The following NECTIN2 variants were observed in gnomAD, a reference collection of about 807,000 sequenced individuals.
NECTIN2 encodes nectin cell adhesion molecule 2, also known as nectin-2.
NECTIN2 carries 23 observed loss-of-function variants against 56.9 expected under a neutral mutation model. The ratio of observed to expected loss-of-function variants is 0.40; its 90% CI spans 0.29 to 0.57. The LOEUF is 0.57. NECTIN2 is among the 20% of genes least tolerant of loss of function. NECTIN2 has a pLI of 0.38. For missense variants in NECTIN2, 587 were observed against 718.3 expected (o/e 0.82, Z 2.09); for synonymous variants, 302 against 313.8 (o/e 0.96, Z 0.40).
intron 1 of NECTIN2, among the ~76,000 whole-genome samples, chr19:44,864,700 C>T (rs1425296006): frequency 2.0e-5 from 3 of 152,020 alleles, no homozygotes; most frequent in African/African-American, 4.8e-5. Context: ...TGGTGGCAGG[C>T]GCCTGTAGTC....
At chr19:44,880,475 CTTTTTTTTTT>C (rs4013742) in intron 5 of NECTIN2, among the ~76,000 whole-genome samples, 25 of 68,870 alleles carry the variant, frequency 3.6e-4, no homozygotes, top group African/African-American at 1.6e-3. Flanking sequence ...CCTGTCTTGC[CTTTTTTTTTT>C]TTTTTTTTTT....
At chr19:44,872,889 AT>A (rs1394990179) in intron 3 of NECTIN2, among the ~76,000 whole-genome samples, 3 of 147,602 alleles carry the variant, frequency 2.0e-5, no homozygotes, top group Non-Finnish European at 4.5e-5. Flanking sequence ...GTCATTATTT[AT>A]TATTGTTATT....
chr19:44,865,650 C>A lies in NECTIN2; in HGVS notation c.468C>A (p.Leu156=). The A allele has an allele frequency of 2.6e-6, 4 of 1,529,398 alleles. No individual in the cohort carries two copies. Among genetic ancestry groups the A allele is most frequent in the Non-Finnish European group, 2.6e-6 (3 of 1,141,772 alleles). 94.7% of individuals were successfully genotyped at this position (1,529,398 alleles called of 1,614,324 possible). A position where few individuals can be genotyped will look rare whatever the true frequency, so the allele number is the denominator to read the frequency against. ...GGTCCGTCCGAGGGATGACCTGGCT[C>A]AGAGTCATAGGTGAGCAGGGTAAGG... The part of the protein sequence containing the change: ...PKGSVRGMTW[L]RVIAKPKNQA... The change falls in exon 2 of 9, where the codon CTC becomes CTA. Residue 156 remains leucine, a synonymous_variant. Coordinates refer to ENST00000252483, the MANE Select transcript of NECTIN2 (RefSeq NM_001042724.2). This position sits in a 1 kb window ranked among gnomAD's most constrained non-coding sequence, Gnocchi z 5.2.
intron 1 of NECTIN2, among the ~76,000 whole-genome samples, chr19:44,847,077 ATT>A (rs1555785316): frequency 6.6e-6 from 1 of 151,534 alleles, no homozygotes; most frequent in Non-Finnish European, 1.5e-5. Context: ...TCCCTCCCCT[ATT>A]TTTCCTTCTT....
At chr19:44,871,783 C>A in intron 2 of NECTIN2, 70 bp from the exon 3 acceptor site, 1 of 1,520,970 alleles carries the variant, frequency 6.6e-7, no homozygotes, top group East Asian at 2.3e-5. Context: ...AACCACCCTG[C>A]TCCTCTGCTG....
At chr19:44,861,815 A>G (rs555608) in intron 1 of NECTIN2, among the ~76,000 whole-genome samples, 50,704 of 152,088 alleles carry the variant, frequency 0.33, 9,281 homozygotes, top group Non-Finnish European at 0.39. Flanking sequence ...ACACCAGTCA[A>G]AATGGCCATT....
intron 5 of NECTIN2, chr19:44,878,878 G>C (rs1443680973): frequency 1.5e-6 from 2 of 1,295,682 alleles, no homozygotes; most frequent in African/African-American, 1.5e-5. Context: ...CTTGGTTTTG[G>C]CTCCAGCCTT....
intron 5 of NECTIN2, chr19:44,878,461 C>T (rs1425645186): frequency 5.6e-6 from 9 of 1,609,044 alleles, no homozygotes; most frequent in Admixed American, 3.4e-5. Flanking sequence ...CACCAGTAGT[C>T]CCTGGTCCCA....
At chr19:44,862,283 C>T (rs1461104067) in intron 1 of NECTIN2, among the ~76,000 whole-genome samples, 3 of 69,136 alleles carry the variant, frequency 4.3e-5, no homozygotes, top group East Asian at 2.5e-4. Flanking sequence ...TGTGTGGTGG[C>T]GGGCACCTGT....
chr19:44,848,569 CT>C (rs1280639497), intron 1 of NECTIN2, among the ~76,000 whole-genome samples: 1 of 152,102 alleles, frequency 6.6e-6, no homozygotes, highest in African/African-American at 2.4e-5. Flanking sequence ...CTCTTAGCCC[CT>C]GGAGAAGGAG....
rs774804740 is a variant in NECTIN2, at chr19:44,873,916, A to T, written c.776A>T (p.Tyr259Phe). 2.5e-6 allele frequency: 4 copies of T among 1,608,194 alleles called. No individual in the cohort carries two copies. The highest frequency in any genetic ancestry group is 2.6e-6 in the Non-Finnish European group (3 of 1,175,656). The change falls in exon 4 of 9, where the codon TAC (tyrosine) becomes TTC (phenylalanine). Residue 259 changes from tyrosine to phenylalanine, a missense_variant and splice_region_variant. Tyr to Phe is a conservative substitution (Grantham distance 22, BLOSUM62 3). Transcript: ENST00000252483. Reference sequence around the variant, plus strand: ...GATCCAGTCCCCCCATTTCCCCCAGACCCTCCTGAAGTGTCCATCTCCGGC... The same window carrying T: ...GATCCAGTCCCCCCATTTCCCCCAGTCCCTCCTGAAGTGTCCATCTCCGGC... Reference protein sequence around the residue: ...ALIPVTLSVRYPPEVSISGYD... With the variant: ...ALIPVTLSVRFPPEVSISGYD...
chr19:44,846,721 C>T (rs1968839744), intron 1 of NECTIN2, 108 bp downstream of exon 1: 5 of 1,329,272 alleles, frequency 3.8e-6, no homozygotes, highest in Admixed American at 2.5e-5. Flanking sequence ...TCCCCGAGCC[C>T]CCTCTCGCGT....
At chr19:44,854,011 A>G (rs984511898) in intron 1 of NECTIN2, among the ~76,000 whole-genome samples, 2 of 152,106 alleles carry the variant, frequency 1.3e-5, no homozygotes, top group Non-Finnish European at 2.9e-5. Flanking sequence ...AGGGCGGAAG[A>G]GCAGTCAACC....
In NECTIN2 at chr19:44,871,907, C is replaced by T. The variant is rs41290104; in HGVS notation, c.533C>T (p.Thr178Met). ...AAGGTCACGTTCAGCCAGGACCCTACGACAGTGGCCCTCTGCATCTCCAAA... is the reference window on the plus strand; with the variant it reads ...AAGGTCACGTTCAGCCAGGACCCTATGACAGTGGCCCTCTGCATCTCCAAA... ...AQKVTFSQDP[T>M]TVALCISKEG... The change falls in exon 3 of 9, where the codon ACG becomes ATG. Residue 178 changes from threonine (T) to methionine (M), a missense_variant. Physicochemically the swap from Thr to Met is moderately conservative, Grantham distance 81. Transcript: ENST00000252483. 3,419 of 1,614,182 alleles carry T rather than the reference C, an allele frequency of 2.1e-3. 5 individuals carry two copies. Among genetic ancestry groups the T allele is most frequent in the Non-Finnish European group, 2.7e-3 (3,202 of 1,180,022 alleles).
intron 8 of NECTIN2, among the ~76,000 whole-genome samples, chr19:44,887,659 A>G (rs1376007209): frequency 6.6e-6 from 1 of 152,174 alleles, no homozygotes; most frequent in Non-Finnish European, 1.5e-5. Flanking sequence ...AACAAAAAAA[A>G]ACAGAATGAA....
chr19:44,879,016 C>G (rs1969277508), intron 5 of NECTIN2: 1 of 754,254 alleles, frequency 1.3e-6, no homozygotes, highest in Non-Finnish European at 1.6e-6. Context: ...ACTCCTAGGT[C>G]CCAGGGCTGG....
chr19:44,847,069 C>T (rs1968844508), intron 1 of NECTIN2, among the ~76,000 whole-genome samples: 1 of 152,166 alleles, frequency 6.6e-6, no homozygotes, highest in Non-Finnish European at 1.5e-5. Flanking sequence ...AGACCACCTC[C>T]CTCCCCTATT....
At chr19:44,873,066 A>G (rs1969196314) in intron 3 of NECTIN2, among the ~76,000 whole-genome samples, 1 of 151,436 alleles carries the variant, frequency 6.6e-6, no homozygotes, top group Admixed American at 6.6e-5. Context: ...CACTCTTCAC[A>G]CAGAATCCCT....
intron 1 of NECTIN2, among the ~76,000 whole-genome samples, chr19:44,855,466 A>G (rs1968955502): frequency 6.6e-6 from 1 of 151,692 alleles, no homozygotes; most frequent in Non-Finnish European, 1.5e-5. Flanking sequence ...AGACCCAGGG[A>G]CTTGGAGGAG....
Sources: allele counts gnomAD v4.1 joint callset (sites outside exome capture counted in the v4.1 genomes callset), GRCh38; gene constraint gnomAD v4.1.1; non-coding constraint Gnocchi (gnomAD v3.1); transcripts MANE v1.5; gene names NCBI Gene and HGNC (gene_info 2026-07-23, HGNC 2026-07-21).